TMEM132D: variants seen among roughly 807,000 people sequenced by gnomAD.
TMEM132D encodes the protein transmembrane protein 132D, also known as mature OL transmembrane protein.
In TMEM132D, 21 loss-of-function variants were observed where a neutral mutation model predicts 62.3. The ratio of observed to expected loss-of-function variants is 0.34; its 90% confidence interval spans 0.24 to 0.49. The LOEUF is 0.49. TMEM132D is among the 20% of genes least tolerant of loss of function. The probability of loss-of-function intolerance (pLI) is 0.99; values close to 1 mark genes in which losing one functional copy is unlikely to be tolerated. For synonymous variants in TMEM132D, 621 were observed against 575.6 expected (o/e 1.08, Z -1.13); for missense variants, 1,346 against 1,402.8 (o/e 0.96, Z 0.65).
At chr12:129,554,511 T>A (rs576275398) in intron 2 of TMEM132D, among the ~76,000 whole-genome samples, 2 of 152,152 alleles carry the variant, frequency 1.3e-5, no homozygotes, top group Non-Finnish European at 2.9e-5. Context: ...TACTGTGGGT[T>A]CCATGAGGCC....
chr12:129,710,109 T>C (rs1384317343), intron 1 of TMEM132D, among the ~76,000 whole-genome samples: 1 of 152,030 alleles, frequency 6.6e-6, no homozygotes, highest in Non-Finnish European at 1.5e-5. Flanking sequence ...GAAAAGAAAG[T>C]CTCAGAATCA....
chr12:129,582,375 C>A (rs879198135), intron 2 of TMEM132D, among the ~76,000 whole-genome samples: 3 of 152,172 alleles, frequency 2.0e-5, no homozygotes, highest in African/African-American at 7.2e-5. Flanking sequence ...ACTTACCCCC[C>A]AGAGATGGGG....
chr12:129,511,141 T>C (rs1440882518), intron 3 of TMEM132D, among the ~76,000 whole-genome samples: 1 of 152,214 alleles, frequency 6.6e-6, no homozygotes, highest in Non-Finnish European at 1.5e-5. Flanking sequence ...ATATAAAATA[T>C]ACCCACCAAC....
chr12:129,582,737 C>G lies in TMEM132D; in HGVS notation c.969-51532G>C, dbSNP rs546993728. On this transcript the variant is annotated intron_variant, in intron 2 of 8. Transcript: ENST00000422113. ...GGGTTCAAGCGATTCTCCTGCCTCA[C>G]CTTCCCAAGTAGCTGTGACTACAGG... Among the ~76,000 whole-genome samples the G allele has an allele frequency of 2.0e-3, 300 of 151,540 alleles. 1 individual carries two copies. Among genetic ancestry groups the G allele is most frequent in the Non-Finnish European group, 2.1e-3 (143 of 67,852 alleles).
chr12:129,283,350 C>G (rs1258686293), intron 4 of TMEM132D, among the ~76,000 whole-genome samples: 1 of 152,156 alleles, frequency 6.6e-6, no homozygotes, highest in Non-Finnish European at 1.5e-5. Context: ...TGCCACCATG[C>G]CCAGCTAATT....
At chr12:129,799,998 A>G (rs548501185) in intron 1 of TMEM132D, among the ~76,000 whole-genome samples, 28 of 152,308 alleles carry the variant, frequency 1.8e-4, no homozygotes, top group Admixed American at 3.9e-4. Flanking sequence ...TGCCTCAGGC[A>G]CGTGCGTACA....
intron 2 of TMEM132D, among the ~76,000 whole-genome samples, chr12:129,543,407 T>TAGAC (rs1555263893): frequency 6.6e-6 from 1 of 151,828 alleles, no homozygotes; most frequent in African/African-American, 2.4e-5. Context: ...GATGGATGGA[T>TAGAC]AGACAGATAG....
At chr12:129,385,775 T>G (rs76255836) in intron 3 of TMEM132D, among the ~76,000 whole-genome samples, 2 of 152,204 alleles carry the variant, frequency 1.3e-5, no homozygotes, top group Non-Finnish European at 2.9e-5. Flanking sequence ...TGCTGCATAT[T>G]TTATGACTGA....
chr12:129,457,894 CAT>C (rs1352874310), intron 3 of TMEM132D, among the ~76,000 whole-genome samples: 1 of 152,190 alleles, frequency 6.6e-6, no homozygotes, highest in Non-Finnish European at 1.5e-5. Flanking sequence ...TACAATTTGA[CAT>C]GAGATTGGGG....
chr12:129,329,189 G>T (rs1481968049), intron 4 of TMEM132D, among the ~76,000 whole-genome samples: 1 of 151,912 alleles, frequency 6.6e-6, no homozygotes, highest in East Asian at 1.9e-4. Context: ...AACCATGCAT[G>T]GTACCTAATG....
intron 1 of TMEM132D, among the ~76,000 whole-genome samples, chr12:129,765,746 G>T (rs1271243853): frequency 6.6e-6 from 1 of 152,014 alleles, no homozygotes; most frequent in African/African-American, 2.4e-5. Flanking sequence ...ATTCTCTTTT[G>T]TCCTGGTTAT....
intron 5 of TMEM132D, among the ~76,000 whole-genome samples, chr12:129,142,605 T>C (rs1876777029): frequency 6.6e-6 from 1 of 152,222 alleles, no homozygotes. Context: ...ATTTGTTAAA[T>C]TCAGCAGTTT....
intron 2 of TMEM132D, among the ~76,000 whole-genome samples, chr12:129,574,106 A>C (rs1383193489): frequency 1.3e-5 from 2 of 151,950 alleles, no homozygotes; most frequent in Non-Finnish European, 2.9e-5. Context: ...ACAAACATTA[A>C]ACTCGAATTA....
intron 2 of TMEM132D, among the ~76,000 whole-genome samples, chr12:129,628,330 G>C (rs1879273671): frequency 6.6e-6 from 1 of 152,186 alleles, no homozygotes; most frequent in Non-Finnish European, 1.5e-5. Context: ...GTTTCTGAGT[G>C]ACAGATCCAA....
chr12:129,655,239 G>T (rs1880042260), intron 2 of TMEM132D, among the ~76,000 whole-genome samples: 1 of 115,770 alleles, frequency 8.6e-6, no homozygotes, highest in African/African-American at 3.3e-5. Flanking sequence ...GAGCCACTGT[G>T]TCTAGCCTTT....
intron 2 of TMEM132D, among the ~76,000 whole-genome samples, chr12:129,684,225 T>C (rs1257445099): frequency 6.6e-6 from 1 of 152,204 alleles, no homozygotes; most frequent in African/African-American, 2.4e-5. Context: ...CCATGTATCA[T>C]CAGAAAGATC....
chr12:129,201,248 A>C (rs11613890), intron 5 of TMEM132D, among the ~76,000 whole-genome samples: 13,219 of 152,246 alleles, frequency 0.087, 635 homozygotes, highest in Middle Eastern at 0.12. Context: ...TTTCAGGAGT[A>C]ATACTTGAGC....
At chr12:129,510,457 C>G (rs984767033) in intron 3 of TMEM132D, among the ~76,000 whole-genome samples, 1 of 152,076 alleles carries the variant, frequency 6.6e-6, no homozygotes, top group African/African-American at 2.4e-5. Flanking sequence ...GTGCAGAAGA[C>G]TTTTAACTTG....
chr12:129,327,120 C>T (rs1005050767), intron 4 of TMEM132D, among the ~76,000 whole-genome samples: 2 of 152,092 alleles, frequency 1.3e-5, no homozygotes, highest in Non-Finnish European at 1.5e-5. Flanking sequence ...GCACGGCCAT[C>T]GACAAACTGT....
Sources: gnomAD v4.1 joint callset for allele counts (sites outside exome capture counted in the v4.1 genomes callset) on GRCh38, gnomAD v4.1.1 for gene constraint, MANE v1.5 for transcripts, NCBI Gene and HGNC (gene_info 2026-07-23, HGNC 2026-07-21) for gene names.